The following CEP152 variants were observed in gnomAD, a reference collection of about 807,000 sequenced individuals.
CEP152 encodes the protein centrosomal protein of 152 kDa.
A neutral mutation model predicts 188.9 loss-of-function variants in CEP152; 132 were observed. The observed-to-expected ratio is 0.70, with a 90% CI of 0.61 to 0.81. CEP152 has a LOEUF of 0.81. Among genes scored for constraint, CEP152 ranks in the 30% least tolerant of loss-of-function variants. CEP152 has a pLI of 0.00. For synonymous variants in CEP152, 649 were observed against 666.6 expected (o/e 0.97, Z 0.41); for missense variants, 1,914 against 1,969.8 (o/e 0.97, Z 0.54).
chr15:48,795,145 A>G (rs555176215), intron 6 of CEP152, among the ~76,000 whole-genome samples: 1 of 152,328 alleles, frequency 6.6e-6, no homozygotes, highest in African/African-American at 2.4e-5. Flanking sequence ...GTATGACAAG[A>G]GTAATTCAGT....
rs748767202 is a variant in CEP152, at chr15:48,768,955, C to A, written c.1908+1G>T. 1.1e-4 allele frequency: 169 copies of A among 1,504,824 alleles called. No individual in the cohort carries two copies. The highest frequency in any genetic ancestry group is 1.4e-4 in the Non-Finnish European group (158 of 1,094,386). The allele number at this position is 1,504,824 out of a possible 1,614,324, so 93.2% of individuals were successfully genotyped here. ...AAAATATAAAAAATATTTTTAATCA[C>A]CTGATTTTGTTGTTGTAAAACTTGA... On this transcript the variant is annotated splice_donor_variant, in intron 14 of 26. Coordinates refer to ENST00000380950, the MANE Select transcript of CEP152 (RefSeq NM_001194998.2). LOFTEE classifies it high-confidence loss of function.
intron 12 of CEP152, among the ~76,000 whole-genome samples, chr15:48,778,080 G>C (rs1896031312): frequency 6.6e-6 from 1 of 152,210 alleles, no homozygotes; most frequent in Non-Finnish European, 1.5e-5. Flanking sequence ...TATTATTTGA[G>C]CTTAGCAGCC....
At chr15:48,765,349 A>T (rs1221800419) in intron 17 of CEP152, among the ~76,000 whole-genome samples, 8 of 152,174 alleles carry the variant, frequency 5.3e-5, no homozygotes, top group Non-Finnish European at 1.2e-4. Context: ...ATTTTACTGT[A>T]TAACAATTAA....
chr15:48,761,591 T>C (rs1282252306), intron 18 of CEP152, among the ~76,000 whole-genome samples: 2 of 152,188 alleles, frequency 1.3e-5, no homozygotes, highest in Non-Finnish European at 2.9e-5. Flanking sequence ...TGTGATCATG[T>C]CATTGTTCTG....
At chr15:48,772,459 G>GT (rs1246254280) in intron 13 of CEP152, 28 bp downstream of exon 13, 2 of 1,581,874 alleles carry the variant, frequency 1.3e-6, no homozygotes, top group Non-Finnish European at 8.6e-7. Context: ...TTTAAAAATG[G>GT]TTTTTTAACT....
intron 20 of CEP152, among the ~76,000 whole-genome samples, chr15:48,754,078 A>C (rs1894083578): frequency 6.6e-6 from 1 of 152,190 alleles, no homozygotes; most frequent in Non-Finnish European, 1.5e-5. Flanking sequence ...CAAGGTCCTG[A>C]GTGAAGATAG....
chr15:48,751,940 ACT>A (rs1893904294), intron 21 of CEP152, among the ~76,000 whole-genome samples: 1 of 152,116 alleles, frequency 6.6e-6, no homozygotes, highest in African/African-American at 2.4e-5. Flanking sequence ...CCTCAGAAAA[ACT>A]CACAAATCAA....
intron 10 of CEP152, among the ~76,000 whole-genome samples, chr15:48,783,575 C>T (rs986307950): frequency 1.3e-5 from 2 of 151,802 alleles, no homozygotes; most frequent in Non-Finnish European, 2.9e-5. Flanking sequence ...TTCAGAAATG[C>T]ATTACATAAA....
chr15:48,787,163 G>GTTTTTTTTTTTTT lies in CEP152; in HGVS notation c.1173+1625_1173+1637dup, dbSNP rs747436177. ...TTTTCAATAATTTGGTATAGCCTTC[G>GTTTTTTTTTTTTT]TTTTTTTTTTTTTTTTTTTCTGGAA... On this transcript the variant is annotated intron_variant, in intron 9 of 26. Transcript: ENST00000380950. 2.8e-4 allele frequency among the ~76,000 whole-genome samples: 28 copies of GTTTTTTTTTTTTT among 101,498 alleles called. 2 individuals carry two copies. Among genetic ancestry groups the GTTTTTTTTTTTTT allele is most frequent in the African/African-American group, 3.7e-4 (10 of 26,890 alleles). 66.6% of individuals were successfully genotyped at this position (101,498 alleles called of 152,430 possible).
intron 17 of CEP152, among the ~76,000 whole-genome samples, chr15:48,764,184 G>A (rs1358118483): frequency 6.6e-6 from 1 of 152,180 alleles, no homozygotes; most frequent in Non-Finnish European, 1.5e-5. Flanking sequence ...AAAATGTGGT[G>A]ACCAGAAAGA....
intron 12 of CEP152, among the ~76,000 whole-genome samples, chr15:48,776,314 A>C (rs1002342799): frequency 6.6e-6 from 1 of 152,202 alleles, no homozygotes; most frequent in African/African-American, 2.4e-5. Context: ...AAGAAACCAT[A>C]AATGAAAACA....
chr15:48,793,752 C>T (rs1480003369), intron 6 of CEP152, among the ~76,000 whole-genome samples: 1 of 152,178 alleles, frequency 6.6e-6, no homozygotes, highest in African/African-American at 2.4e-5. Flanking sequence ...CAGTGGGTCA[C>T]TGATAGGAAA....
At chr15:48,760,563 C>T (rs1469534577) in intron 18 of CEP152, among the ~76,000 whole-genome samples, 1 of 152,130 alleles carries the variant, frequency 6.6e-6, no homozygotes, top group Non-Finnish European at 1.5e-5. Flanking sequence ...CTAACAACTC[C>T]TATTTATCCT....
chr15:48,798,625 T>C (rs1897481496), intron 2 of CEP152, among the ~76,000 whole-genome samples: 1 of 152,192 alleles, frequency 6.6e-6, no homozygotes, highest in Non-Finnish European at 1.5e-5. Flanking sequence ...TACCCTGCTC[T>C]CATACAACAT....
intron 22 of CEP152, among the ~76,000 whole-genome samples, chr15:48,746,430 T>C (rs186614334): frequency 1.1e-4 from 16 of 152,332 alleles, no homozygotes; most frequent in Admixed American, 9.8e-4. Context: ...AACATATCTA[T>C]GTTTTAAATA....
At chr15:48,799,834 T>C (rs1184323838) in intron 2 of CEP152, among the ~76,000 whole-genome samples, 1 of 152,214 alleles carries the variant, frequency 6.6e-6, no homozygotes, top group South Asian at 2.1e-4. Context: ...TGAGGTCTTT[T>C]AAAAGTAGCA....
chr15:48,738,861 T>C lies in CEP152; in HGVS notation c.4521A>G (p.Ser1507=). Residue 1507 remains serine, a synonymous_variant, in exon 27 of 27, where the codon TCA becomes TCG. Transcript: ENST00000380950. ...CAGAAGGACCAGGGGTACATCTAGG[T>C]GAGGGTTTATTTCCTAAGGTTCCAA... ...PFLGTLGNKP[S]PRCTPGPSES... The C allele has an allele frequency of 6.2e-7, 1 of 1,614,164 alleles. No homozygotes were observed. Among genetic ancestry groups the C allele is most frequent in the African/African-American group, 1.3e-5 (1 of 75,034 alleles).
intron 21 of CEP152, among the ~76,000 whole-genome samples, chr15:48,749,242 A>G (rs966054151): frequency 3.3e-5 from 5 of 152,104 alleles, no homozygotes; most frequent in African/African-American, 1.2e-4. Context: ...TAAAATAAAT[A>G]CACAAATGAG....
chr15:48,797,170 T>G (rs1179218407), intron 5 of CEP152, 131 bp downstream of exon 5: 16 of 964,294 alleles, frequency 1.7e-5, no homozygotes, highest in Non-Finnish European at 2.1e-5. Flanking sequence ...CCTGAATAAG[T>G]GCCCTCTCAG....
Sources: allele counts gnomAD v4.1 joint callset (sites outside exome capture counted in the v4.1 genomes callset), GRCh38; gene constraint gnomAD v4.1.1; transcripts MANE v1.5; gene names NCBI Gene and HGNC (gene_info 2026-07-23, HGNC 2026-07-21).